The following FREM3 variants were observed in gnomAD, a reference collection of about 807,000 sequenced individuals.
FREM3 encodes FRAS1-related extracellular matrix protein 3.
Under a neutral mutation model 129.1 loss-of-function variants are expected in FREM3, and 105 were observed. The ratio of observed to expected loss-of-function variants is 0.81; its 90% CI spans 0.69 to 0.96. The LOEUF (loss-of-function observed/expected upper bound fraction) is 0.96, where lower values mean the gene tolerates loss of function less well. Ranked by LOEUF, FREM3 falls within the 40% of genes least tolerant of loss-of-function variation. FREM3 has a pLI of 0.00. For missense variants in FREM3, 2,593 were observed against 2,666.3 expected (o/e 0.97, Z 0.61); for synonymous variants, 1,014 against 1,044.9 (o/e 0.97, Z 0.57).
At chr4:143,603,460 TTA>T (rs762081468) in intron 6 of FREM3, among the ~76,000 whole-genome samples, 25 of 152,204 alleles carry the variant, frequency 1.6e-4, no homozygotes, top group Non-Finnish European at 3.7e-4. Context: ...TTGTCTCTGA[TTA>T]TGATGACCTC....
At chr4:143,582,577 CG>C (rs1560832854) in intron 7 of FREM3, among the ~76,000 whole-genome samples, 1 of 152,118 alleles carries the variant, frequency 6.6e-6, no homozygotes, top group Admixed American at 6.6e-5. Context: ...AAAGAACTAG[CG>C]TAAGAACTCT....
intron 6 of FREM3, among the ~76,000 whole-genome samples, chr4:143,593,617 C>T (rs1269583295): frequency 2.0e-5 from 3 of 152,144 alleles, no homozygotes; most frequent in Non-Finnish European, 4.4e-5. Context: ...GAGGAGTACC[C>T]GGCTGTGTGA....
Position 143,627,696 on chromosome 4 carries a change from C to T in FREM3, c.5340G>A (p.Glu1780=). The part of the protein sequence containing the change: ...LNWAWICLEK[E]YYIVDEDSTF... ...TGGAATCTTCATCCACAATGTAGTA[C>T]TCTTTCTCCAAACAAATCCAAGCCC... is the stretch of plus-strand genomic sequence containing the variant. The change falls in exon 3 of 8, where the codon GAG becomes GAA. Residue 1780 remains glutamate, a synonymous_variant. Transcript: ENST00000329798. 2.0e-6 allele frequency: 3 copies of T among 1,533,734 alleles called. No homozygotes were observed. Among genetic ancestry groups the T allele is most frequent in the Non-Finnish European group, 2.6e-6 (3 of 1,143,802 alleles).
rs141711774 is a variant in FREM3, at chr4:143,635,841, C to T, written c.5276-8081G>A. Among the ~76,000 whole-genome samples, 606 of 152,236 alleles carry T rather than the reference C, an allele frequency of 4.0e-3. 3 individuals are homozygous for T. Among genetic ancestry groups the T allele is most frequent in the African/African-American group, 0.014 (580 of 41,558 alleles). On this transcript the variant is annotated intron_variant, in intron 2 of 7. Transcript: ENST00000329798. Reference sequence around the variant, plus strand: ...TTCCATGTGAGAAAATCAGAGTTTACAAGTCATGAAGAAGAGCTATTTAGT... The same window carrying T: ...TTCCATGTGAGAAAATCAGAGTTTATAAGTCATGAAGAAGAGCTATTTAGT...
At position 143,697,675 on chromosome 4, in the gene FREM3, C is replaced by G. The variant is rs768178024; in HGVS notation, c.3001G>C (p.Gly1001Arg). 2.1e-4 allele frequency: 323 copies of G among 1,537,724 alleles called. No individual in the cohort carries two copies. The highest frequency in any genetic ancestry group is 1.4e-4 in the Non-Finnish European group (162 of 1,147,058). The change falls in exon 1 of 8, where the codon GGT becomes CGT. Residue 1001 changes from glycine to arginine, a missense_variant. Physicochemically the swap from Gly to Arg is moderately radical, Grantham distance 125. Around this residue, in one of 2 missense-constraint regions of FREM3, gnomAD observed 2,276 missense variants for 2,267.2 expected, o/e 1.00. Transcript: ENST00000329798. ...SPKLGTILVN[G>R]LPTERFTQED... is the part of the protein sequence containing the mutation. ...TGGGTGAATCGTTCTGTGGGCAAAC[C>G]ATTTACCAGAATAGTGCCCAGTTTG...
Position 143,594,215 on chromosome 4 carries a change from G to A in FREM3, c.6029-8222C>T, listed in dbSNP as rs139757479. Among the ~76,000 whole-genome samples the A allele has an allele frequency of 1.5e-4, 23 of 152,202 alleles. No homozygotes were observed. The East Asian group carries it at 3.1e-3, about 20-fold the overall frequency. The stretch of plus-strand genomic sequence containing the variant: ...CCTGGTCCTGCTCCATCTCACACAC[G>A]GTGCACTGCACCCACTGCCCTGCAC... On this transcript the variant is annotated intron_variant, in intron 6 of 7. Coordinates refer to ENST00000329798, the MANE Select transcript of FREM3 (RefSeq NM_001168235.2).
chr4:143,688,629 A>G (rs758746813), intron 2 of FREM3, among the ~76,000 whole-genome samples: 6 of 152,214 alleles, frequency 3.9e-5, no homozygotes, highest in Non-Finnish European at 8.8e-5. Flanking sequence ...AAACTGTACT[A>G]TAAGGCCATA....
At chr4:143,593,746 C>T (rs1051167211) in intron 6 of FREM3, among the ~76,000 whole-genome samples, 5 of 152,332 alleles carry the variant, frequency 3.3e-5, no homozygotes, top group African/African-American at 1.2e-4. Context: ...GGGAGAACCA[C>T]TACTCTCTTC....
At chr4:143,683,335 C>A (rs111941200) in intron 2 of FREM3, among the ~76,000 whole-genome samples, 3,487 of 152,170 alleles carry the variant, frequency 0.023, 163 homozygotes, top group African/African-American at 0.079. Flanking sequence ...CTGGGAGAGT[C>A]CCCCCCAAAC....
At chr4:143,647,421 A>G (rs898315582) in intron 2 of FREM3, among the ~76,000 whole-genome samples, 1 of 152,290 alleles carries the variant, frequency 6.6e-6, no homozygotes, top group South Asian at 2.1e-4. Context: ...GACAATGGGG[A>G]AAAATGTCTC....
intron 2 of FREM3, among the ~76,000 whole-genome samples, chr4:143,633,821 C>T (rs1054425524): frequency 1.8e-4 from 28 of 152,062 alleles, no homozygotes; most frequent in African/African-American, 6.3e-4. Flanking sequence ...CAATCCTAAG[C>T]GTCGCAGATA....
At chr4:143,680,643 G>A (rs1283856330) in intron 2 of FREM3, among the ~76,000 whole-genome samples, 1 of 151,994 alleles carries the variant, frequency 6.6e-6, no homozygotes, top group Non-Finnish European at 1.5e-5. Flanking sequence ...TATAATTAGA[G>A]TTGTTTGAAA....
chr4:143,592,997 C>G (rs138194214), intron 6 of FREM3, among the ~76,000 whole-genome samples: 1,964 of 152,242 alleles, frequency 0.013, 41 homozygotes, highest in African/African-American at 0.045. Context: ...TTTCATCTTC[C>G]ATCGCTGTTA....
At chr4:143,650,680 C>T (rs62339283) in intron 2 of FREM3, among the ~76,000 whole-genome samples, 4 of 152,108 alleles carry the variant, frequency 2.6e-5, no homozygotes, top group African/African-American at 4.8e-5. Context: ...TCTGTAGAAA[C>T]GACATCTTTC....
intron 2 of FREM3, among the ~76,000 whole-genome samples, chr4:143,652,361 A>G (rs1457610450): frequency 4.0e-5 from 2 of 50,168 alleles, no homozygotes; most frequent in African/African-American, 9.8e-5. Context: ...ACGGGGTTTC[A>G]CCTTGTTAGC....
At chr4:143,581,437 G>T (rs1177634891) in intron 7 of FREM3, among the ~76,000 whole-genome samples, 1 of 151,864 alleles carries the variant, frequency 6.6e-6, no homozygotes, top group Non-Finnish European at 1.5e-5. Flanking sequence ...TGTTTCCTGG[G>T]AGCCTCTACT....
intron 5 of FREM3, among the ~76,000 whole-genome samples, chr4:143,617,406 T>C (rs370197938): frequency 2.0e-5 from 3 of 152,230 alleles, no homozygotes; most frequent in African/African-American, 7.2e-5. Flanking sequence ...ATTCAAAACA[T>C]TAATGGTGCC....
At chr4:143,677,693 A>G (rs1180763930) in intron 2 of FREM3, among the ~76,000 whole-genome samples, 1 of 152,216 alleles carries the variant, frequency 6.6e-6, no homozygotes, top group Non-Finnish European at 1.5e-5. Flanking sequence ...AAACAAATTG[A>G]CAAGAAAACA....
rs1740579224 is a variant in FREM3 at position 143,696,842 on chromosome 4, G to A, written c.3834C>T (p.Asp1278=). 1.3e-6 allele frequency: 2 copies of A among 1,537,670 alleles called. No homozygotes were observed. The highest frequency in any genetic ancestry group is 2.4e-5 in the South Asian group (2 of 84,052). Residue 1278 remains aspartate, a synonymous_variant, in exon 1 of 8, where the codon GAC becomes GAT. Transcript: ENST00000329798. ...YEHDDSETKE[D]SFEVWLSDGK... ...CGTCACTCAGCCAGACCTCAAAACT[G>A]TCCTCTTTTGTCTCTGAGTCATCAT...
Sources: allele counts gnomAD v4.1 joint callset (sites outside exome capture counted in the v4.1 genomes callset), GRCh38; gene constraint gnomAD v4.1.1; regional missense constraint gnomAD v4.1.1; transcripts MANE v1.5; gene names NCBI Gene and HGNC (gene_info 2026-07-23, HGNC 2026-07-21).